The following DNAH10 variants were observed in gnomAD, a reference collection of about 807,000 sequenced individuals.
The protein encoded by DNAH10 is dynein axonemal heavy chain 10.
A neutral mutation model predicts 506.6 loss-of-function variants in DNAH10; 348 were observed. The ratio of observed to expected loss-of-function variants is 0.69; its 90% CI spans 0.63 to 0.75. The LOEUF is 0.75. DNAH10 is among the 30% of genes least tolerant of loss of function. The pLI, the probability that DNAH10 is intolerant of heterozygous loss-of-function variation, is 0.00. For missense variants in DNAH10, 5,179 were observed against 5,787.1 expected (o/e 0.89, Z 3.41); for synonymous variants, 2,059 against 2,198.6 (o/e 0.94, Z 1.78).
chr12:123,807,178 T>A (rs1958712124), intron 18 of DNAH10, among the ~76,000 whole-genome samples: 1 of 148,922 alleles, frequency 6.7e-6, no homozygotes, highest in Admixed American at 6.9e-5. Context: ...CATCCACACA[T>A]TCATCCCCAC....
At chr12:123,923,921 G>A (rs1954832724) in intron 66 of DNAH10, 54 bp downstream of exon 66, 3 of 1,314,558 alleles carry the variant, frequency 2.3e-6, no homozygotes, top group South Asian at 1.4e-5. Flanking sequence ...CATGATACAT[G>A]TATATAAGTT....
intron 40 of DNAH10, among the ~76,000 whole-genome samples, chr12:123,865,268 T>C (rs2136913724): frequency 6.6e-6 from 1 of 152,350 alleles, no homozygotes; most frequent in East Asian, 1.9e-4. Context: ...ATCTCATTTT[T>C]TTTTTTAAAC....
chr12:123,765,514 T>C (rs1056850104), intron 1 of DNAH10, among the ~76,000 whole-genome samples: 1 of 152,028 alleles, frequency 6.6e-6, no homozygotes, highest in African/African-American at 2.4e-5. Context: ...GCCAATCACC[T>C]ACCAACCGAC....
intron 57 of DNAH10, among the ~76,000 whole-genome samples, chr12:123,908,064 G>GCTGTCTCCTCCCTGTCTCC (rs1566082638): frequency 0.1 from 13,842 of 137,210 alleles, 2,078 homozygotes; most frequent in East Asian, 0.13. Context: ...GTCTGCTCAG[G>GCTGTCTCCTCCCTGTCTCC]CTGTCTCCTC....
intron 40 of DNAH10, 28 bp downstream of exon 40, chr12:123,864,758 A>G (rs774030640): frequency 4.4e-6 from 7 of 1,583,920 alleles, no homozygotes; most frequent in Middle Eastern, 1.7e-4. Context: ...GTAAATTTGA[A>G]CATAAATCTT....
At chr12:123,798,714 CTA>C (rs1439658936) in intron 13 of DNAH10, among the ~76,000 whole-genome samples, 21 of 147,598 alleles carry the variant, frequency 1.4e-4, no homozygotes, top group Non-Finnish European at 2.2e-4. Context: ...TATTATATAA[CTA>C]TATATTATTT....
chr12:123,812,285 A>T (rs1422205409), intron 19 of DNAH10, among the ~76,000 whole-genome samples: 1 of 152,110 alleles, frequency 6.6e-6, no homozygotes, highest in Non-Finnish European at 1.5e-5. Flanking sequence ...CCCCATCTCT[A>T]CTAAAAATAC....
chr12:123,893,023 T>C (rs960211345), intron 52 of DNAH10, among the ~76,000 whole-genome samples: 3 of 152,186 alleles, frequency 2.0e-5, no homozygotes, highest in Admixed American at 6.5e-5. Context: ...GCTGGCGGCA[T>C]CTAGGATCCC....
intron 39 of DNAH10, among the ~76,000 whole-genome samples, chr12:123,861,962 A>G (rs1467385812): frequency 6.6e-6 from 1 of 152,000 alleles, no homozygotes. Flanking sequence ...GGATTTCTTT[A>G]TCTTTTATGA....
At position 123,846,580 on chromosome 12, in the gene DNAH10, T is replaced by G. The variant is rs1950958975; in HGVS notation, c.5814+426T>G. 6.6e-6 allele frequency among the ~76,000 whole-genome samples: 1 copy of G among 152,170 alleles called. No individual in the cohort carries two copies. Among genetic ancestry groups the G allele is most frequent in the African/African-American group, 2.4e-5 (1 of 41,436 alleles). ...GTAAACTTGTTTGTTGTACAGGAAA[T>G]GAAGATAACACTTCCATCCAGGCAG... is the stretch of plus-strand genomic sequence containing the variant. On this transcript the variant is annotated intron_variant, in intron 32 of 78. Coordinates refer to ENST00000673944, the MANE Select transcript of DNAH10 (RefSeq NM_001372106.1). The surrounding 1 kb of genome is among the most constrained non-coding windows in gnomAD (Gnocchi z 4.5).
chr12:123,916,816 A>ACAT lies in DNAH10; in HGVS notation c.11002+84_11002+86dup. The ACAT allele has an allele frequency of 6.7e-7, 1 of 1,482,608 alleles. No individual in the cohort carries two copies. The highest frequency in any genetic ancestry group is 9.0e-7 in the Non-Finnish European group (1 of 1,111,230). 91.8% of individuals were successfully genotyped at this position (1,482,608 alleles called of 1,614,324 possible). A position where few individuals can be genotyped will look rare whatever the true frequency, so the allele number is the denominator to read the frequency against. On this transcript the variant is annotated intron_variant, in intron 63 of 78. Coordinates refer to ENST00000673944, the MANE Select transcript of DNAH10 (RefSeq NM_001372106.1). The surrounding 1 kb of genome is among the most constrained non-coding windows in gnomAD (Gnocchi z 4.6). ...AACCTCAGATCAAGGCATTCATGGG[A>ACAT]CATCATTTCACTCAGTGACCCCAGA...
Position 123,857,198 on chromosome 12 carries a change from C to A in DNAH10, c.6581C>A (p.Ala2194Glu), listed in dbSNP as rs772753569. The A allele has an allele frequency of 1.2e-6, 2 of 1,607,952 alleles. No individual in the cohort carries two copies. The highest frequency in any genetic ancestry group is 2.7e-5 in the African/African-American group (2 of 74,748). ...GTCCGCTACCCTGACTTCAACGATGCGGTAGAGCAGGTCCTGGAGGAGAAC... is the reference window on the plus strand; with the variant it reads ...GTCCGCTACCCTGACTTCAACGATGAGGTAGAGCAGGTCCTGGAGGAGAAC... The part of the protein sequence containing the change: ...PRVRYPDFND[A>E]VEQVLEENGY... Residue 2194 changes from alanine to glutamate, a missense_variant, in exon 37 of 79, where the codon GCG becomes GAG. Physicochemically the swap from Ala to Glu is moderately radical, Grantham distance 107 (BLOSUM62 -1). Coordinates refer to ENST00000673944, the MANE Select transcript of DNAH10 (RefSeq NM_001372106.1).
At chr12:123,796,634 A>G (rs1312989701) in intron 12 of DNAH10, 22 bp from the exon 13 acceptor site, 1 of 1,579,842 alleles carries the variant, frequency 6.3e-7, no homozygotes, top group East Asian at 2.3e-5. Context: ...TCACTTACAG[A>G]AGCTGTTTGA....
At chr12:123,869,297 G>A (rs1388132074) in intron 43 of DNAH10, among the ~76,000 whole-genome samples, 1 of 152,036 alleles carries the variant, frequency 6.6e-6, no homozygotes, top group African/African-American at 2.4e-5. Context: ...TTCCTTGGCT[G>A]GTGGCCTTCA....
intron 19 of DNAH10, among the ~76,000 whole-genome samples, chr12:123,811,275 G>A (rs2136340193): frequency 6.6e-6 from 1 of 151,816 alleles, no homozygotes; most frequent in East Asian, 1.9e-4. Context: ...TTAGTGCAGT[G>A]TTTGGCAATC....
In DNAH10 at chr12:123,919,506, G is replaced by A. The variant is rs531192569; in HGVS notation, c.11506+557G>A. Reference sequence around the variant, plus strand: ...TTCGTCCTTTAAAAATATACCATTCGGTGGTGATTCATAGCATATACATAG... The same window carrying A: ...TTCGTCCTTTAAAAATATACCATTCAGTGGTGATTCATAGCATATACATAG... On this transcript the variant is annotated intron_variant, in intron 65 of 78. Transcript: ENST00000673944. The surrounding 1 kb of genome is among the most constrained non-coding windows in gnomAD (Gnocchi z 4.9). Among the ~76,000 whole-genome samples, 7 of 152,196 alleles carry A rather than the reference G, an allele frequency of 4.6e-5. 1 individual carries two copies. The East Asian group carries it at 5.8e-4, about 13-fold the overall frequency.
At chr12:123,804,125 C>G (rs112314627) in intron 17 of DNAH10, among the ~76,000 whole-genome samples, 14,992 of 152,126 alleles carry the variant, frequency 0.099, 1,362 homozygotes, top group African/African-American at 0.25. Context: ...CTCCTGGCCT[C>G]AAGTGATCCT....
At position 123,918,906 on chromosome 12, in the gene DNAH10, C is replaced by T. The variant is rs1368755426; in HGVS notation, c.11463C>T (p.Ile3821=). ...DSILMKRLRN[I]MDTLTFSIYN... ...TCCTCATGAAACGCCTGAGGAACAT[C>T]ATGGACACGCTGACCTTCAGCATCT... Residue 3821 remains isoleucine (I), a synonymous_variant, in exon 65 of 79, where the codon ATC becomes ATT. Transcript: ENST00000673944. 1.2e-6 allele frequency: 2 copies of T among 1,613,666 alleles called. No individual in the cohort carries two copies. The highest frequency in any genetic ancestry group is 1.7e-5 in the Admixed American group (1 of 59,998).
chr12:123,827,492 G>A (rs981556398), intron 25 of DNAH10, among the ~76,000 whole-genome samples: 1 of 152,212 alleles, frequency 6.6e-6, no homozygotes, highest in African/African-American at 2.4e-5. Flanking sequence ...CCACCATACT[G>A]ATGGGATAGC....
Sources: gnomAD v4.1 joint callset for allele counts (sites outside exome capture counted in the v4.1 genomes callset) on GRCh38, gnomAD v4.1.1 for gene constraint, Gnocchi (gnomAD v3.1) non-coding constraint, MANE v1.5 for transcripts, NCBI Gene and HGNC (gene_info 2026-07-23, HGNC 2026-07-21) for gene names.